The following STARD3NL variants were observed in gnomAD, a reference collection of about 807,000 sequenced individuals.
STARD3NL encodes the protein STARD3 N-terminal-like protein.
Under a neutral mutation model 30.9 loss-of-function variants are expected in STARD3NL, and 17 were observed. The observed-to-expected ratio is 0.55, with a 90% CI of 0.38 to 0.82. The LOEUF (loss-of-function observed/expected upper bound fraction) is 0.82, where lower values mean the gene tolerates loss of function less well. Among genes scored for constraint, STARD3NL ranks in the 40% least tolerant of loss-of-function variants. The pLI is 0.00. For synonymous variants in STARD3NL, 112 were observed against 100.5 expected (o/e 1.11, Z -0.69); for missense variants, 234 against 277.6 (o/e 0.84, Z 1.12).
chr7:38,185,678 A>G (rs746839952), intron 1 of STARD3NL, among the ~76,000 whole-genome samples: 1 of 152,192 alleles, frequency 6.6e-6, no homozygotes, highest in Non-Finnish European at 1.5e-5. Context: ...GTTGAATGAA[A>G]AGAAACCTAG....
At chr7:38,185,836 T>C (rs568607920) in intron 1 of STARD3NL, among the ~76,000 whole-genome samples, 1 of 152,314 alleles carries the variant, frequency 6.6e-6, no homozygotes, top group East Asian at 1.9e-4. Context: ...TGAAGGATAG[T>C]TACTAAAAGA....
intron 2 of STARD3NL, among the ~76,000 whole-genome samples, chr7:38,209,237 A>C (rs1785656454): frequency 2.6e-5 from 4 of 152,092 alleles, no homozygotes; most frequent in Admixed American, 2.6e-4. Flanking sequence ...GAGTAATATG[A>C]TTTCAAAACT....
intron 1 of STARD3NL, among the ~76,000 whole-genome samples, chr7:38,205,853 C>T (rs1218710613): frequency 6.6e-6 from 1 of 152,138 alleles, no homozygotes; most frequent in Non-Finnish European, 1.5e-5. Flanking sequence ...TTTCCTCTTT[C>T]TTGAAGATAA....
chr7:38,180,006 G>A (rs1182142827), intron 1 of STARD3NL, among the ~76,000 whole-genome samples: 2 of 152,260 alleles, frequency 1.3e-5, no homozygotes, highest in East Asian at 3.8e-4. Flanking sequence ...TGAGGAGACA[G>A]TGGTCAGAGG....
chr7:38,210,359 C>G (rs1175892830), intron 2 of STARD3NL, among the ~76,000 whole-genome samples: 1 of 152,174 alleles, frequency 6.6e-6, no homozygotes, highest in African/African-American at 2.4e-5. Flanking sequence ...GGAGAACCAG[C>G]TGTTCTTTGC....
Position 38,207,622 on chromosome 7 carries a change from T to C in STARD3NL, c.118T>C (p.Tyr40His). Residue 40 changes from tyrosine (Y) to histidine (H), a missense_variant, in exon 2 of 9, where the codon TAT (tyrosine) becomes CAT (histidine). By Grantham distance (83) the Tyr-to-His change is moderately conservative. Coordinates refer to ENST00000009041, the MANE Select transcript of STARD3NL (RefSeq NM_032016.4). ...PTQLMARIES[Y>H]EGREKKGISD... is the part of the protein sequence containing the mutation. The stretch of plus-strand genomic sequence containing the variant: ...ACAACTCATGGCCAGGATTGAGTCC[T>C]ATGAAGGAAGGGAAAAGAAAGGCAT... 1 of 1,614,054 alleles carries C rather than the reference T, an allele frequency of 6.2e-7. No homozygotes were observed. The highest frequency in any genetic ancestry group is 2.2e-5 in the East Asian group (1 of 44,880).
At chr7:38,183,725 T>C (rs760316473) in intron 1 of STARD3NL, among the ~76,000 whole-genome samples, 1 of 152,236 alleles carries the variant, frequency 6.6e-6, no homozygotes, top group Non-Finnish European at 1.5e-5. Context: ...AATATACTGC[T>C]GACCCTTGAA....
intron 1 of STARD3NL, among the ~76,000 whole-genome samples, chr7:38,200,367 G>A (rs936356490): frequency 3.3e-5 from 5 of 152,226 alleles, no homozygotes; most frequent in Middle Eastern, 3.4e-3. Flanking sequence ...AGCTAGTGCA[G>A]TGCTTCTCGT....
At chr7:38,227,960 A>C (rs1014742435) in intron 7 of STARD3NL, among the ~76,000 whole-genome samples, 1 of 152,166 alleles carries the variant, frequency 6.6e-6, no homozygotes, top group Non-Finnish European at 1.5e-5. Context: ...CCAGAAAAAT[A>C]TATAAAAGTT....
chr7:38,183,311 G>A (rs1394850021), intron 1 of STARD3NL, among the ~76,000 whole-genome samples: 1 of 152,160 alleles, frequency 6.6e-6, no homozygotes, highest in African/African-American at 2.4e-5. Flanking sequence ...GATATTTTAG[G>A]CTGGGTAATT....
chr7:38,230,334 A>G lies in STARD3NL; in HGVS notation c.*429A>G, dbSNP rs201437036. On this transcript the variant is annotated 3_prime_UTR_variant, in exon 9 of 9. Transcript: ENST00000009041. ...TTGTATTTCTTTTTTAACACTCTAC[A>G]TTTCCCTTGTTTTTTAACTCATGCA... 4.6e-5 allele frequency: 7 copies of G among 152,656 alleles called. No homozygotes were observed. The East Asian group carries it at 1.4e-3, about 29-fold the overall frequency. The allele number at this position is 152,656 out of a possible 1,614,324, so 9.5% of individuals were successfully genotyped here.
intron 1 of STARD3NL, among the ~76,000 whole-genome samples, chr7:38,189,934 T>C (rs35899177): frequency 0.083 from 12,691 of 152,264 alleles, 651 homozygotes; most frequent in Middle Eastern, 0.15. Flanking sequence ...TAAGAGGTTT[T>C]TGAGGATGTT....
chr7:38,204,584 G>A (rs1254333172), intron 1 of STARD3NL, among the ~76,000 whole-genome samples: 1 of 152,108 alleles, frequency 6.6e-6, no homozygotes, highest in East Asian at 1.9e-4. Flanking sequence ...AACTAGAGAA[G>A]CAAGAGCAAA....
At chr7:38,204,830 A>G (rs1583802224) in intron 1 of STARD3NL, among the ~76,000 whole-genome samples, 1 of 152,178 alleles carries the variant, frequency 6.6e-6, no homozygotes, top group Non-Finnish European at 1.5e-5. Flanking sequence ...CAGAAATACA[A>G]ACTACCATCA....
At chr7:38,195,949 T>A (rs993934972) in intron 1 of STARD3NL, among the ~76,000 whole-genome samples, 1 of 152,192 alleles carries the variant, frequency 6.6e-6, no homozygotes, top group Non-Finnish European at 1.5e-5. Flanking sequence ...CCAGCCCTTC[T>A]CCTTGTTAAC....
intron 1 of STARD3NL, among the ~76,000 whole-genome samples, chr7:38,194,566 T>A (rs897347324): frequency 6.6e-6 from 1 of 152,300 alleles, no homozygotes; most frequent in East Asian, 1.9e-4. Context: ...GTAGTGATTT[T>A]GATAGTAAGC....
In STARD3NL at chr7:38,228,786, C is replaced by T; in HGVS notation, c.650-13C>T. 1 of 1,609,436 alleles carries T rather than the reference C, an allele frequency of 6.2e-7. No individual in the cohort carries two copies. Among genetic ancestry groups the T allele is most frequent in the Non-Finnish European group, 8.5e-7 (1 of 1,177,146 alleles). ...TGAAATACTTTTTCTTTGTCCCCTT[C>T]TCCACCACGTAGGATCTGAAGAAGC... On this transcript the variant is annotated splice_polypyrimidine_tract_variant and intron_variant, in intron 7 of 8. Transcript: ENST00000009041.
chr7:38,205,117 T>G (rs1785387081), intron 1 of STARD3NL, among the ~76,000 whole-genome samples: 2 of 152,052 alleles, frequency 1.3e-5, no homozygotes, highest in Non-Finnish European at 2.9e-5. Context: ...AAAGAGGGAA[T>G]CCTCCCTAAC....
chr7:38,223,041 G>A (rs576261754), intron 7 of STARD3NL, among the ~76,000 whole-genome samples: 1 of 152,104 alleles, frequency 6.6e-6, no homozygotes, highest in East Asian at 1.9e-4. Flanking sequence ...ACATGAGGGC[G>A]TCCGAAAAAG....
Sources: allele counts gnomAD v4.1 joint callset (sites outside exome capture counted in the v4.1 genomes callset), GRCh38; gene constraint gnomAD v4.1.1; transcripts MANE v1.5; gene names NCBI Gene and HGNC (gene_info 2026-07-23, HGNC 2026-07-21).